The following MOGAT1 variants were observed in gnomAD, a reference collection of about 807,000 sequenced individuals.
MOGAT1 encodes monoacylglycerol O-acyltransferase 1.
In MOGAT1, 32 loss-of-function variants were observed where a neutral mutation model predicts 31.4. That is an observed-to-expected ratio of 1.02 (90% CI 0.77 to 1.37). The LOEUF (loss-of-function observed/expected upper bound fraction) is 1.37. Among genes scored for constraint, MOGAT1 ranks in the 40% most tolerant of loss-of-function variants. MOGAT1 has a pLI of 0.00. For missense variants in MOGAT1, 426 were observed against 402.0 expected (o/e 1.06, Z -0.51); for synonymous variants, 145 against 144.5 (o/e 1.00, Z -0.03).
chr2:222,684,777 A>G (rs553488796), intron 1 of MOGAT1, among the ~76,000 whole-genome samples: 113 of 152,164 alleles, frequency 7.4e-4, no homozygotes, highest in African/African-American at 2.5e-3. Context: ...GGGTTTCACC[A>G]TGTTGGCCAG....
At chr2:222,680,777 T>C (rs980306294) in intron 1 of MOGAT1, among the ~76,000 whole-genome samples, 1 of 152,052 alleles carries the variant, frequency 6.6e-6, no homozygotes, top group African/African-American at 2.4e-5. Context: ...CAGAAAAAAA[T>C]GAAAATTTTT....
intron 1 of MOGAT1, among the ~76,000 whole-genome samples, chr2:222,681,017 G>A (rs1692572695): frequency 6.6e-6 from 1 of 152,318 alleles, no homozygotes; most frequent in Middle Eastern, 3.4e-3. Context: ...AATCATTAAT[G>A]TATGGGAATT....
chr2:222,693,849 T>C (rs1692800874), intron 3 of MOGAT1, among the ~76,000 whole-genome samples: 1 of 152,184 alleles, frequency 6.6e-6, no homozygotes, highest in Non-Finnish European at 1.5e-5. Context: ...ATTTATATTA[T>C]AAATCCAGGT....
intron 5 of MOGAT1, among the ~76,000 whole-genome samples, chr2:222,699,840 T>C (rs6757613): frequency 0.44 from 67,552 of 152,018 alleles, 15,584 homozygotes; most frequent in African/African-American, 0.51. Flanking sequence ...TTTTACGAGA[T>C]GGTGTCTTGC....
intron 5 of MOGAT1, among the ~76,000 whole-genome samples, chr2:222,695,502 C>T (rs1254014369): frequency 2.0e-5 from 3 of 152,196 alleles, no homozygotes; most frequent in African/African-American, 4.8e-5. Flanking sequence ...TTCAAGAATA[C>T]TGCTATTGCA....
chr2:222,671,963 C>G, intron 1 of MOGAT1, 84 bp downstream of exon 1: 3 of 1,099,594 alleles, frequency 2.7e-6, no homozygotes, highest in Non-Finnish European at 4.0e-6. Context: ...CTGCATAGAA[C>G]CTTCCAACCC....
intron 3 of MOGAT1, among the ~76,000 whole-genome samples, chr2:222,690,176 GC>G (rs1692735761): frequency 6.6e-6 from 1 of 152,024 alleles, no homozygotes; most frequent in South Asian, 2.1e-4. Context: ...GATCACCTGA[GC>G]TTGGGAGGTC....
intron 3 of MOGAT1, among the ~76,000 whole-genome samples, chr2:222,692,406 G>A (rs1328620214): frequency 6.6e-6 from 1 of 152,180 alleles, no homozygotes; most frequent in Non-Finnish European, 1.5e-5. Flanking sequence ...TTAAATGAAT[G>A]AATGATCAGT....
At chr2:222,683,001 T>C (rs4674680) in intron 1 of MOGAT1, among the ~76,000 whole-genome samples, 60,390 of 151,522 alleles carry the variant, frequency 0.4, 13,181 homozygotes, top group African/African-American at 0.59. Context: ...CGCAGGAGTT[T>C]GAGATTAGCC....
intron 3 of MOGAT1, among the ~76,000 whole-genome samples, chr2:222,693,515 C>T (rs891154104): frequency 6.8e-6 from 1 of 147,810 alleles, no homozygotes; most frequent in African/African-American, 2.5e-5. Flanking sequence ...AAAGACATAT[C>T]CAAGACTGGG....
At chr2:222,694,677 T>C (rs1692815696) in intron 4 of MOGAT1, 141 bp downstream of exon 4, 5 of 799,674 alleles carry the variant, frequency 6.3e-6, no homozygotes, top group East Asian at 5.4e-5. Flanking sequence ...TGGATGTTCT[T>C]GGGGAATGGA....
chr2:222,697,631 G>A (rs575209911), intron 5 of MOGAT1, among the ~76,000 whole-genome samples: 45 of 142,504 alleles, frequency 3.2e-4, no homozygotes, highest in East Asian at 1.9e-3. Flanking sequence ...CACCCAGGCC[G>A]GAGTGCAATG....
In MOGAT1 at chr2:222,705,758, C is replaced by A. The variant is rs180862383; in HGVS notation, c.854-3978C>A. Among the ~76,000 whole-genome samples the A allele has an allele frequency of 1.7e-3, 261 of 152,192 alleles. 2 individuals are homozygous for A. Among genetic ancestry groups the A allele is most frequent in the African/African-American group, 6.1e-3 (252 of 41,524 alleles). On this transcript the variant is annotated intron_variant, in intron 5 of 5. Transcript: ENST00000446656. ...ATTTGACTGAATAACATCTAGTAGA[C>A]CCTCGATAAATAATAGCTTTATTTC... is the stretch of plus-strand genomic sequence containing the variant.
chr2:222,709,651 T>C, intron 5 of MOGAT1, 85 bp from the exon 6 acceptor site: 3 of 1,229,450 alleles, frequency 2.4e-6, no homozygotes, highest in Non-Finnish European at 3.4e-6. Flanking sequence ...GATTGGCAGT[T>C]GTGTTCACAG....
intron 2 of MOGAT1, among the ~76,000 whole-genome samples, 182 bp from the exon 3 acceptor site, chr2:222,689,083 T>C (rs1234818982): frequency 6.6e-6 from 1 of 152,202 alleles, no homozygotes; most frequent in African/African-American, 2.4e-5. Flanking sequence ...TAGAAGGCTA[T>C]ATATAAAGGG....
In MOGAT1 at chr2:222,706,936, G is replaced by A. The variant is rs569893321; in HGVS notation, c.854-2800G>A. 5.3e-5 allele frequency among the ~76,000 whole-genome samples: 8 copies of A among 152,176 alleles called. No homozygotes were observed. In the East Asian group the frequency reaches 1.5e-3, roughly 29 times the overall value. Reference sequence around the variant, plus strand: ...GAGGCTGGCTGTGGTGGCTCACGCCGACCTAGCACTTTGAGAGGCTGAGGC... The same window carrying A: ...GAGGCTGGCTGTGGTGGCTCACGCCAACCTAGCACTTTGAGAGGCTGAGGC... On this transcript the variant is annotated intron_variant, in intron 5 of 5. Coordinates refer to ENST00000446656, the MANE Select transcript of MOGAT1 (RefSeq NM_058165.3).
chr2:222,700,264 G>T (rs988117432), intron 5 of MOGAT1, among the ~76,000 whole-genome samples: 21 of 152,188 alleles, frequency 1.4e-4, no homozygotes, highest in African/African-American at 5.1e-4. Context: ...CTTTTTAAAT[G>T]GTTTGCCATT....
chr2:222,688,806 A>G (rs13414096), intron 2 of MOGAT1, among the ~76,000 whole-genome samples: 59,297 of 152,072 alleles, frequency 0.39, 13,874 homozygotes, highest in African/African-American at 0.67. Flanking sequence ...GAGAGGGCAA[A>G]AAAGAGCAAG....
chr2:222,694,644 C>T (rs1022047278), intron 4 of MOGAT1, 108 bp downstream of exon 4: 15 of 1,064,840 alleles, frequency 1.4e-5, no homozygotes, highest in African/African-American at 1.3e-4. Flanking sequence ...TCCTCCAAAT[C>T]GATCTGACAG....
Sources: gnomAD v4.1 joint callset for allele counts (sites outside exome capture counted in the v4.1 genomes callset) on GRCh38, gnomAD v4.1.1 for gene constraint, MANE v1.5 for transcripts, NCBI Gene and HGNC (gene_info 2026-07-23, HGNC 2026-07-21) for gene names.